Variants in OCA2 observed in about 807,000 individuals in gnomAD.
The protein encoded by OCA2 is P protein.
Under a neutral mutation model 100.2 loss-of-function variants are expected in OCA2, and 77 were observed. That is an observed-to-expected ratio of 0.77 (90% CI 0.64 to 0.93). The LOEUF (loss-of-function observed/expected upper bound fraction) is 0.93, where lower values mean the gene tolerates loss of function less well. Ranked by LOEUF, OCA2 falls within the 40% of genes least tolerant of loss-of-function variation. The pLI is 0.00. For missense variants in OCA2, 1,062 were observed against 1,089.1 expected (o/e 0.98, Z 0.35); for synonymous variants, 432 against 439.2 (o/e 0.98, Z 0.21).
At chr15:27,854,805 A>C (rs2151426741) in intron 21 of OCA2, among the ~76,000 whole-genome samples, 1 of 152,302 alleles carries the variant, frequency 6.6e-6, no homozygotes, top group African/African-American at 2.4e-5. Context: ...GTTGGTGCAA[A>C]GCCAGCCTCC....
At chr15:27,825,907 C>G (rs1307086968) in intron 23 of OCA2, among the ~76,000 whole-genome samples, 1 of 152,228 alleles carries the variant, frequency 6.6e-6, no homozygotes, top group Admixed American at 6.5e-5. Flanking sequence ...AGTGCACTAT[C>G]TGAATTTGTG....
intron 6 of OCA2, among the ~76,000 whole-genome samples, chr15:28,020,222 G>T (rs1224356675): frequency 6.6e-6 from 1 of 152,088 alleles, no homozygotes; most frequent in Non-Finnish European, 1.5e-5. Context: ...GTGCACTCAG[G>T]CTGCTCGAGA....
intron 2 of OCA2, among the ~76,000 whole-genome samples, chr15:28,037,013 A>G (rs947261461): frequency 6.6e-6 from 1 of 152,070 alleles, no homozygotes; most frequent in Non-Finnish European, 1.5e-5. Flanking sequence ...TCACATCCAC[A>G]GATTCTCCAA....
intron 23 of OCA2, among the ~76,000 whole-genome samples, chr15:27,788,765 C>A (rs949929368): frequency 5.3e-5 from 8 of 151,906 alleles, no homozygotes; most frequent in African/African-American, 1.9e-4. Context: ...TTTTCTATGT[C>A]TCACATTTTT....
chr15:27,753,097 TAAATTTTAGAGC>T (rs1227605636), downstream of OCA2, among the ~76,000 whole-genome samples: 1 of 152,022 alleles, frequency 6.6e-6, no homozygotes, highest in East Asian at 1.9e-4. Flanking sequence ...GGTTGACTTT[TAAATTTTAGAGC>T]ATAAACAAAC....
At chr15:27,739,290 G>T in the OCA2 span, among the ~76,000 whole-genome samples, 8 of 152,222 alleles carry the variant, frequency 5.3e-5, no homozygotes, top group Non-Finnish European at 1.0e-4. Context: ...CCCTAGGAAG[G>T]ATCCTGCGGT....
chr15:28,039,179 A>G (rs1388858722), intron 2 of OCA2, among the ~76,000 whole-genome samples: 1 of 152,128 alleles, frequency 6.6e-6, no homozygotes, highest in Non-Finnish European at 1.5e-5. Context: ...AACAGGAGGG[A>G]AAAATCACTC....
chr15:27,785,683 C>T (rs2032779304), intron 23 of OCA2, among the ~76,000 whole-genome samples: 1 of 152,130 alleles, frequency 6.6e-6, no homozygotes, highest in African/African-American at 2.4e-5. Context: ...GACAGTATGG[C>T]AGTGCCTCAA....
chr15:28,005,311 CCACATCTCCCCAAGCT>C (rs1286290363), intron 9 of OCA2, among the ~76,000 whole-genome samples: 1 of 152,048 alleles, frequency 6.6e-6, no homozygotes, highest in Admixed American at 6.5e-5. Context: ...CTCCCCAAGC[CCACATCTCCCCAAGCT>C]CACATCTCCA....
chr15:27,912,786 A>G (rs2038447393), intron 19 of OCA2, among the ~76,000 whole-genome samples: 1 of 152,226 alleles, frequency 6.6e-6, no homozygotes, highest in South Asian at 2.1e-4. Context: ...TATAATCTCA[A>G]AGTATTTCCC....
At chr15:28,027,839 G>C (rs1437987685) in intron 4 of OCA2, 32 bp downstream of exon 4, 1 of 1,609,850 alleles carries the variant, frequency 6.2e-7, no homozygotes, top group African/African-American at 1.3e-5. Context: ...GGCCACCGCT[G>C]CTGCCAGGGT....
chr15:28,043,374 A>T lies in OCA2; in HGVS notation c.228-11211T>A, dbSNP rs942386505. Among the ~76,000 whole-genome samples the T allele has an allele frequency of 1.3e-5, 2 of 152,214 alleles. No homozygotes were observed. Among genetic ancestry groups the T allele is most frequent in the Non-Finnish European group, 2.9e-5 (2 of 68,040 alleles). On this transcript the variant is annotated intron_variant, in intron 2 of 23. Transcript: ENST00000354638. This position sits in a 1 kb window ranked among gnomAD's most constrained non-coding sequence, Gnocchi z 4.4. ...ATACCAGAAATAAAGCCAAACATGCATGGCTGTTTCTATCCAGCTTGCTGT... is the reference window on the plus strand; with the variant it reads ...ATACCAGAAATAAAGCCAAACATGCTTGGCTGTTTCTATCCAGCTTGCTGT...
chr15:27,749,286 A>G, the OCA2 span, among the ~76,000 whole-genome samples: 1 of 152,220 alleles, frequency 6.6e-6, no homozygotes, highest in Non-Finnish European at 1.5e-5. Context: ...ATTAGAGACC[A>G]TATGGGCACA....
intron 19 of OCA2, among the ~76,000 whole-genome samples, chr15:27,902,781 G>C (rs749091940): frequency 3.9e-5 from 6 of 152,196 alleles, no homozygotes; most frequent in African/African-American, 1.4e-4. Flanking sequence ...TGCACCATAC[G>C]CGGAAACACT....
At chr15:28,003,965 C>A (rs2042010495) in intron 9 of OCA2, among the ~76,000 whole-genome samples, 1 of 152,246 alleles carries the variant, frequency 6.6e-6, no homozygotes, top group African/African-American at 2.4e-5. Flanking sequence ...CCCTTCCCGG[C>A]TCTGCTGGTG....
chr15:27,927,312 G>A (rs994696752), intron 18 of OCA2, among the ~76,000 whole-genome samples: 5 of 152,064 alleles, frequency 3.3e-5, no homozygotes, highest in African/African-American at 9.7e-5. Flanking sequence ...AAGATCCTTC[G>A]CTGTTGGTGT....
chr15:28,015,765 G>A (rs1490805549), intron 8 of OCA2, among the ~76,000 whole-genome samples: 5 of 152,204 alleles, frequency 3.3e-5, no homozygotes, highest in Admixed American at 6.5e-5. Context: ...CAAGAGTACC[G>A]ATTGAATATG....
chr15:27,754,676 T>C (rs1282754783), downstream of OCA2, among the ~76,000 whole-genome samples: 1 of 152,168 alleles, frequency 6.6e-6, no homozygotes, highest in Non-Finnish European at 1.5e-5. Context: ...GTCTGTGTAA[T>C]TGATGGAAAT....
chr15:27,944,689 C>T (rs987939672), intron 18 of OCA2, among the ~76,000 whole-genome samples: 5 of 152,254 alleles, frequency 3.3e-5, no homozygotes, highest in East Asian at 3.9e-4. Context: ...CTATGATTTA[C>T]ACCCTCAACC....
Sources: gnomAD v4.1 joint callset for allele counts (sites outside exome capture counted in the v4.1 genomes callset) on GRCh38, gnomAD v4.1.1 for gene constraint, Gnocchi (gnomAD v3.1) non-coding constraint, MANE v1.5 for transcripts, NCBI Gene and HGNC (gene_info 2026-07-23, HGNC 2026-07-21) for gene names.